Variants in PDXDC1 observed in about 807,000 individuals in gnomAD.
The protein encoded by PDXDC1 is pyridoxal dependent decarboxylase domain containing 1.
In PDXDC1, 42 loss-of-function variants were observed where a neutral mutation model predicts 100.1. The ratio of observed to expected loss-of-function variants is 0.42; its 90% CI spans 0.33 to 0.54. The LOEUF is 0.54. Among genes scored for constraint, PDXDC1 ranks in the 20% least tolerant of loss-of-function variants. The pLI, the probability that PDXDC1 is intolerant of heterozygous loss-of-function variation, is 0.10. For missense variants in PDXDC1, 636 were observed against 979.2 expected (o/e 0.65, Z 4.68); for synonymous variants, 260 against 371.7 (o/e 0.70, Z 3.46).
intron 16 of PDXDC1, among the ~76,000 whole-genome samples, chr16:15,070,577 G>A (rs1423376377): frequency 6.6e-6 from 1 of 152,070 alleles, no homozygotes; most frequent in African/African-American, 2.4e-5. Context: ...AACAGGACAC[G>A]TTCACCAACA....
chr16:15,051,616 C>G (rs1158166307), intron 16 of PDXDC1, among the ~76,000 whole-genome samples: 1 of 152,116 alleles, frequency 6.6e-6, no homozygotes, highest in Admixed American at 6.6e-5. Context: ...TTTGCAGTAG[C>G]TGGAACCACA....
chr16:15,031,893 A>G lies in PDXDC1; in HGVS notation c.1558A>G (p.Ile520Val), dbSNP rs375757829. The change falls in exon 17 of 23, where the codon ATA becomes GTA. Residue 520 changes from isoleucine to valine, a missense_variant. Ile to Val is a conservative substitution (Grantham distance 29, BLOSUM62 3). Coordinates refer to ENST00000396410, the MANE Select transcript of PDXDC1 (RefSeq NM_015027.4). Reference sequence around the variant, plus strand: ...TGTTGATGACCCTAACTGGTCTGGAATAGGGGTTGTCAGGTAAAGTCTTGG... The same window carrying G: ...TGTTGATGACCCTAACTGGTCTGGAGTAGGGGTTGTCAGGTAAAGTCTTGG... ...LYVDDPNWSG[I>V]GVVRYEHAND... is the part of the protein sequence containing the mutation. 17 of 1,609,358 alleles carry G rather than the reference A, an allele frequency of 1.1e-5. No homozygotes were observed. In the African/African-American group the frequency reaches 1.7e-4, roughly 16 times the overall value.
chr16:15,063,649 G>A lies in PDXDC1; in HGVS notation c.1399+33593G>A, dbSNP rs185391206. ...GAACCTGGGAGACGGAGCTTGCAGC[G>A]AGCCGAGATCGCGCCACTGCACTCC... On this transcript the variant is annotated intron_variant, in intron 16 of 16. Transcript: ENST00000535621. Among the ~76,000 whole-genome samples, 1,192 of 142,912 alleles carry A rather than the reference G, an allele frequency of 8.3e-3. 21 individuals carry two copies. Among genetic ancestry groups the A allele is most frequent in the African/African-American group, 0.028 (1,112 of 39,080 alleles). The allele number at this position is 142,912 out of a possible 152,430, so 93.8% of individuals were successfully genotyped here.
At chr16:15,038,507 T>C (rs4985153), downstream of PDXDC1, 10,250 of 952,142 alleles carry the variant, frequency 0.011, 97 homozygotes, top group Non-Finnish European at 0.014. Flanking sequence ...TCTAAACCCT[T>C]TTTTTCTTAC....
intron 3 of PDXDC1, among the ~76,000 whole-genome samples, chr16:14,999,396 T>C (rs1315544626): frequency 2.0e-5 from 3 of 151,740 alleles, no homozygotes; most frequent in Non-Finnish European, 2.9e-5. Flanking sequence ...AACAATTTAA[T>C]ACAACCTCAT....
chr16:15,123,779 T>C (rs2151897080), intron 16 of PDXDC1, among the ~76,000 whole-genome samples: 1 of 115,156 alleles, frequency 8.7e-6, no homozygotes, highest in South Asian at 3.7e-4. Context: ...AAAGTGCCCT[T>C]ATAAGACATA....
chr16:15,129,027 G>C (rs541059884), intron 16 of PDXDC1, among the ~76,000 whole-genome samples: 3 of 151,332 alleles, frequency 2.0e-5, no homozygotes, highest in South Asian at 2.1e-4. Context: ...GGATGGTCTC[G>C]ATCTCCTGAC....
At chr16:15,125,975 C>T (rs561717938) in intron 16 of PDXDC1, 12 of 601,178 alleles carry the variant, frequency 2.0e-5, no homozygotes, top group African/African-American at 3.7e-5. Flanking sequence ...CAGCCCCTCG[C>T]GACGTGTGCC....
At chr16:15,081,967 C>T (rs1443896590) in intron 16 of PDXDC1, among the ~76,000 whole-genome samples, 2 of 152,186 alleles carry the variant, frequency 1.3e-5, no homozygotes, top group Non-Finnish European at 2.9e-5. Flanking sequence ...AGTCTTCTGT[C>T]CCGTAACCAT....
At chr16:15,111,023 G>C (rs937390935) in intron 16 of PDXDC1, among the ~76,000 whole-genome samples, 5 of 148,810 alleles carry the variant, frequency 3.4e-5, no homozygotes, top group Non-Finnish European at 7.5e-5. Context: ...GAGCTACTCG[G>C]GAGGCTGAGG....
At chr16:15,145,872 G>C in the PDXDC1 span, among the ~76,000 whole-genome samples, 1 of 152,258 alleles carries the variant, frequency 6.6e-6, no homozygotes, top group African/African-American at 2.4e-5. Context: ...TTTCATTCCA[G>C]GGTGCTTGGC....
intron 16 of PDXDC1, among the ~76,000 whole-genome samples, chr16:15,062,280 T>C (rs1241376999): frequency 6.6e-6 from 1 of 152,210 alleles, no homozygotes; most frequent in Non-Finnish European, 1.5e-5. Flanking sequence ...TGAAGCTCAA[T>C]GGGGACAGGA....
intron 16 of PDXDC1, among the ~76,000 whole-genome samples, chr16:15,087,692 T>A (rs2045962656): frequency 6.6e-6 from 1 of 152,166 alleles, no homozygotes; most frequent in East Asian, 1.9e-4. Flanking sequence ...TAACGGTAGC[T>A]CACTAAGGCC....
rs2047995803 is a variant in PDXDC1, at chr16:15,130,527, C to T, written c.1400-8352C>T. Reference sequence around the variant, plus strand: ...GGATATCGGAGTCCCAGAGCCCATACCCGGTCCAGTCCCCTCGCTGCCTGC... The same window carrying T: ...GGATATCGGAGTCCCAGAGCCCATATCCGGTCCAGTCCCCTCGCTGCCTGC... On this transcript the variant is annotated intron_variant, in intron 16 of 16. Coordinates refer to the PDXDC1 transcript ENST00000535621. 1.1e-5 allele frequency: 15 copies of T among 1,323,496 alleles called. 1 individual carries two copies. The highest frequency in any genetic ancestry group is 1.5e-5 in the Non-Finnish European group (14 of 921,684). The allele number at this position is 1,323,496 out of a possible 1,614,324, so 82.0% of individuals were successfully genotyped here.
downstream of PDXDC1, chr16:15,039,991 G>A (rs1357801427): frequency 3.7e-6 from 6 of 1,605,552 alleles, no homozygotes; most frequent in Admixed American, 1.7e-5. Flanking sequence ...TAAAGTTCGC[G>A]CAGCACGAAG....
rs748124658 is a variant in PDXDC1 at position 15,038,110 on chromosome 16, A to T, written c.*1835A>T. ...GAGTAGGGCTTTATTTCCAGAAAAC[A>T]GTGTGTGAGCTGGAGATGGGTGTTT... On this transcript the variant is annotated 3_prime_UTR_variant, in exon 23 of 23. Coordinates refer to ENST00000396410, the MANE Select transcript of PDXDC1 (RefSeq NM_015027.4). 62 of 1,612,294 alleles carry T rather than the reference A, an allele frequency of 3.8e-5. No individual in the cohort carries two copies. The highest frequency in any genetic ancestry group is 2.7e-4 in the African/African-American group (20 of 74,988).
chr16:15,031,916 T>C lies in PDXDC1; in HGVS notation c.1571+10T>C, dbSNP rs1489723535. 1 of 1,588,488 alleles carries C rather than the reference T, an allele frequency of 6.3e-7. No homozygotes were observed. ...GAATAGGGGTTGTCAGGTAAAGTCTTGGCCTGCCGCTTGATGTTGGAGACT... is the reference window on the plus strand; with the variant it reads ...GAATAGGGGTTGTCAGGTAAAGTCTCGGCCTGCCGCTTGATGTTGGAGACT... On this transcript the variant is annotated intron_variant, in intron 17 of 22. Coordinates refer to ENST00000396410, the MANE Select transcript of PDXDC1 (RefSeq NM_015027.4).
intron 1 of PDXDC1, chr16:14,988,980 T>G: frequency 6.2e-7 from 1 of 1,614,214 alleles, no homozygotes. Flanking sequence ...ATCTTCATAG[T>G]TGAGCGTCGA....
At chr16:15,101,608 G>C (rs573871331) in intron 16 of PDXDC1, among the ~76,000 whole-genome samples, 52 of 149,892 alleles carry the variant, frequency 3.5e-4, no homozygotes, top group Middle Eastern at 3.4e-3. Flanking sequence ...CATGCCTGTA[G>C]TCCCAGGTAC....
Sources: gnomAD v4.1 joint callset for allele counts (sites outside exome capture counted in the v4.1 genomes callset) on GRCh38, gnomAD v4.1.1 for gene constraint, MANE v1.5 for transcripts, NCBI Gene and HGNC (gene_info 2026-07-23, HGNC 2026-07-21) for gene names.